PXDNL: variants seen among roughly 807,000 people sequenced by gnomAD.
PXDNL encodes probable oxidoreductase PXDNL.
PXDNL carries 145 observed loss-of-function variants against 150.8 expected under a neutral mutation model. The observed-to-expected ratio is 0.96, with a 90% confidence interval of 0.84 to 1.10. The LOEUF (loss-of-function observed/expected upper bound fraction) is 1.10. PXDNL is among the 50% of genes least tolerant of loss of function. The probability of loss-of-function intolerance (pLI) is 0.00; values close to 1 mark genes in which losing one functional copy is unlikely to be tolerated. For synonymous variants in PXDNL, 757 were observed against 725.7 expected (o/e 1.04, Z -0.69); for missense variants, 2,087 against 1,873.9 (o/e 1.11, Z -2.10).
chr8:51,329,244 G>T (rs1805608467), intron 21 of PXDNL, among the ~76,000 whole-genome samples: 1 of 152,170 alleles, frequency 6.6e-6, no homozygotes. Flanking sequence ...TAATAACAGT[G>T]ATTACTGCTG....
chr8:51,617,308 G>A (rs1380384142), intron 2 of PXDNL, among the ~76,000 whole-genome samples: 1 of 152,064 alleles, frequency 6.6e-6, no homozygotes, highest in Admixed American at 6.6e-5. Context: ...ATATTATTTG[G>A]TCATTTCAAT....
chr8:51,682,524 C>T (rs943879904), intron 1 of PXDNL, among the ~76,000 whole-genome samples: 15 of 152,278 alleles, frequency 9.9e-5, no homozygotes, highest in Middle Eastern at 3.4e-3. Flanking sequence ...TCACACACAG[C>T]TCTGTCCTTA....
At chr8:51,557,427 A>C (rs1812622291) in intron 3 of PXDNL, among the ~76,000 whole-genome samples, 1 of 152,134 alleles carries the variant, frequency 6.6e-6, no homozygotes, top group African/African-American at 2.4e-5. Context: ...ACGATGATAC[A>C]ACTAATCTTT....
chr8:51,512,278 C>T (rs1811439429), intron 4 of PXDNL, among the ~76,000 whole-genome samples: 1 of 152,198 alleles, frequency 6.6e-6, no homozygotes, highest in South Asian at 2.1e-4. Context: ...GGAGCAAAGA[C>T]TGAGCCTCCT....
At chr8:51,325,383 C>T (rs1805451156) in intron 21 of PXDNL, among the ~76,000 whole-genome samples, 1 of 152,182 alleles carries the variant, frequency 6.6e-6, no homozygotes, top group African/African-American at 2.4e-5. Flanking sequence ...ATCATTACTG[C>T]CATGTGGGAA....
chr8:51,631,618 A>G (rs1172862310), intron 2 of PXDNL, among the ~76,000 whole-genome samples: 1 of 152,176 alleles, frequency 6.6e-6, no homozygotes, highest in Non-Finnish European at 1.5e-5. Flanking sequence ...AGATAACTAT[A>G]TAGGTAATTA....
At chr8:51,449,767 G>A (rs921706417) in intron 10 of PXDNL, among the ~76,000 whole-genome samples, 4 of 152,158 alleles carry the variant, frequency 2.6e-5, no homozygotes, top group South Asian at 2.1e-4. Context: ...TAAGAAGAGC[G>A]CAATGATCCC....
intron 2 of PXDNL, among the ~76,000 whole-genome samples, chr8:51,594,367 T>C (rs1448812754): frequency 2.0e-5 from 3 of 152,220 alleles, no homozygotes; most frequent in East Asian, 3.9e-4. Flanking sequence ...AATTGACTCA[T>C]TTCATACAAA....
chr8:51,408,983 C>A lies in PXDNL; in HGVS notation c.2641G>T (p.Val881Phe). 6.2e-7 allele frequency: 1 copy of A among 1,612,018 alleles called. No individual in the cohort carries two copies. Among genetic ancestry groups the A allele is most frequent in the Non-Finnish European group, 8.5e-7 (1 of 1,179,878 alleles). The change falls in exon 17 of 23, where the codon GTC (valine) becomes TTC (phenylalanine). Residue 881 changes from valine to phenylalanine, a missense_variant. Physicochemically the swap from Val to Phe is conservative, Grantham distance 50 (BLOSUM62 -1). Transcript: ENST00000356297. ...TGGTTGATCTGCTCTCGTGCATAGA[C>A]TGAATCCACCGTCGCAGAGGGACGG... ...SGRPSATVDS[V>F]YAREQINQQT...
chr8:51,653,880 C>T (rs190435757), intron 2 of PXDNL, among the ~76,000 whole-genome samples: 64 of 152,330 alleles, frequency 4.2e-4, no homozygotes, highest in Middle Eastern at 3.4e-3. Context: ...AGTGTGTTCA[C>T]TCAGTGGATT....
intron 1 of PXDNL, among the ~76,000 whole-genome samples, chr8:51,793,416 A>G (rs781254288): frequency 1.3e-5 from 2 of 152,206 alleles, no homozygotes; most frequent in Non-Finnish European, 2.9e-5. Flanking sequence ...ATTCAAAAAG[A>G]CAGAGCACCA....
chr8:51,617,998 T>C (rs1814165051), intron 2 of PXDNL, among the ~76,000 whole-genome samples: 1 of 152,228 alleles, frequency 6.6e-6, no homozygotes, highest in Non-Finnish European at 1.5e-5. Context: ...GGTTATAAAA[T>C]GCCTTTTGAA....
intron 21 of PXDNL, among the ~76,000 whole-genome samples, chr8:51,335,766 T>G (rs963256158): frequency 4.0e-5 from 6 of 149,158 alleles, no homozygotes; most frequent in African/African-American, 1.5e-4. Flanking sequence ...CAATCTCAAA[T>G]AGAAATAATA....
At chr8:51,690,856 G>T (rs1449459152) in intron 1 of PXDNL, among the ~76,000 whole-genome samples, 1 of 151,860 alleles carries the variant, frequency 6.6e-6, no homozygotes, top group Non-Finnish European at 1.5e-5. Flanking sequence ...TTTAATGATC[G>T]CCATTCTAAC....
chr8:51,791,200 C>G (rs1266912503), intron 1 of PXDNL, among the ~76,000 whole-genome samples: 1 of 152,230 alleles, frequency 6.6e-6, no homozygotes, highest in African/African-American at 2.4e-5. Context: ...TGCCCCTCAA[C>G]TAGATCTGTG....
At chr8:51,559,809 T>C (rs544809628) in intron 3 of PXDNL, among the ~76,000 whole-genome samples, 1 of 151,888 alleles carries the variant, frequency 6.6e-6, no homozygotes, top group Non-Finnish European at 1.5e-5. Flanking sequence ...GGGTAACTTG[T>C]GGAGAATTGG....
intron 17 of PXDNL, among the ~76,000 whole-genome samples, chr8:51,386,913 C>T (rs984958768): frequency 6.6e-6 from 1 of 152,004 alleles, no homozygotes; most frequent in East Asian, 1.9e-4. Flanking sequence ...ACTGTATACA[C>T]TTGATTTATA....
intron 22 of PXDNL, 140 bp from the exon 23 acceptor site, chr8:51,320,162 T>C: frequency 1.4e-6 from 1 of 696,648 alleles, no homozygotes; most frequent in Non-Finnish European, 2.0e-6. Context: ...TATGAGCTCA[T>C]TTTTGCATGG....
intron 1 of PXDNL, among the ~76,000 whole-genome samples, chr8:51,702,243 A>C (rs1353060632): frequency 1.3e-5 from 2 of 152,268 alleles, no homozygotes; most frequent in East Asian, 3.9e-4. Context: ...TTTTAGACTG[A>C]CTTCAGAATG....
Sources: gnomAD v4.1 joint callset for allele counts (sites outside exome capture counted in the v4.1 genomes callset) on GRCh38, gnomAD v4.1.1 for gene constraint, MANE v1.5 for transcripts, NCBI Gene and HGNC (gene_info 2026-07-23, HGNC 2026-07-21) for gene names.